The following PHF6 variants were observed in gnomAD, a reference collection of about 807,000 sequenced individuals.
PHF6 encodes the protein PHD finger protein 6, also known as PHD-like zinc finger protein.
Under a neutral mutation model 34.0 loss-of-function variants are expected in PHF6, and 7 were observed. The observed-to-expected ratio is 0.21, with a 90% CI of 0.12 to 0.39. The LOEUF (loss-of-function observed/expected upper bound fraction) is 0.39. Ranked by LOEUF, PHF6 falls within the 10% of genes least tolerant of loss-of-function variation. The pLI is 1.00. For missense variants in PHF6, 128 were observed against 262.8 expected (o/e 0.49, Z 3.55); for synonymous variants, 89 against 88.4 (o/e 1.01, Z -0.04).
intron 5 of PHF6, among the ~76,000 whole-genome samples, chrX:134,400,240 G>A (rs1443442882): frequency 9.1e-6 from 1 of 109,729 alleles, no homozygotes; most frequent in Non-Finnish European, 1.9e-5. Flanking sequence ...CACCACACCC[G>A]GCTAATTTTT....
At chrX:134,403,281 AG>A (rs2077409966) in intron 5 of PHF6, among the ~76,000 whole-genome samples, 1 of 112,142 alleles carries the variant, frequency 8.9e-6, no homozygotes, top group Non-Finnish European at 1.9e-5. Flanking sequence ...ATGATAAGAA[AG>A]TGAAACAGCC....
intron 5 of PHF6, among the ~76,000 whole-genome samples, chrX:134,396,766 A>G (rs1393679892): frequency 1.8e-5 from 2 of 110,809 alleles, no homozygotes; most frequent in African/African-American, 3.3e-5. Flanking sequence ...TCAGAAACAG[A>G]ACTTCCAATT....
chrX:134,390,828 C>T (rs1423602999), intron 3 of PHF6, among the ~76,000 whole-genome samples: 1 of 110,777 alleles, frequency 9.0e-6, no homozygotes, highest in African/African-American at 3.3e-5. Context: ...GTTTTGTATC[C>T]TGCCTCATTT....
At position 134,426,473 on chromosome X, in the gene PHF6, C is replaced by G. The variant is rs1387361324; in HGVS notation, c.*813C>G. 6.2e-6 allele frequency: 1 copy of G among 162,262 alleles called. No homozygotes were observed. The highest frequency in any genetic ancestry group is 1.2e-5 in the Non-Finnish European group (1 of 83,499). The allele number at this position is 162,262 out of a possible 1,213,427, so 13.4% of individuals were successfully genotyped here. A position where few individuals can be genotyped will look rare whatever the true frequency, so the allele number is the denominator to read the frequency against. ...GACACCATGTCCGAAACCTGTTCCTCTCAAGTGCCCTGTTGTGTGGAACAC... is the reference window on the plus strand; with the variant it reads ...GACACCATGTCCGAAACCTGTTCCTGTCAAGTGCCCTGTTGTGTGGAACAC... On this transcript the variant is annotated 3_prime_UTR_variant, in exon 11 of 11. Transcript: ENST00000370803.
chrX:134,385,928 A>G (rs2077329479), intron 3 of PHF6, among the ~76,000 whole-genome samples: 1 of 111,913 alleles, frequency 8.9e-6, no homozygotes, highest in Non-Finnish European at 1.9e-5. Flanking sequence ...ACTTTCTACC[A>G]GCACAATGCT....
chrX:134,417,429 T>C (rs1418843871), intron 9 of PHF6, 127 bp downstream of exon 9: 4 of 670,822 alleles, frequency 6.0e-6, no homozygotes, highest in Non-Finnish European at 9.1e-6. Flanking sequence ...GAGCACATTA[T>C]GTAAGGAATG....
intron 5 of PHF6, among the ~76,000 whole-genome samples, chrX:134,403,653 G>A (rs767542040): frequency 8.9e-6 from 1 of 112,017 alleles, no homozygotes; most frequent in Non-Finnish European, 1.9e-5. Flanking sequence ...ATGCCATTTA[G>A]GACATTCATA....
intron 3 of PHF6, among the ~76,000 whole-genome samples, chrX:134,391,089 C>T (rs1470998495): frequency 9.3e-6 from 1 of 107,923 alleles, no homozygotes; most frequent in Admixed American, 1.0e-4. Flanking sequence ...ATTCTCCTGC[C>T]TCAGCCTCCC....
intron 3 of PHF6, among the ~76,000 whole-genome samples, chrX:134,379,881 A>G (rs2077298982): frequency 8.9e-6 from 1 of 112,225 alleles, no homozygotes; most frequent in Non-Finnish European, 1.9e-5. Context: ...AAAAAGAATG[A>G]TACTTACTTG....
At chrX:134,382,852 G>A (rs1402437166) in intron 3 of PHF6, among the ~76,000 whole-genome samples, 2 of 110,771 alleles carry the variant, frequency 1.8e-5, no homozygotes, top group Non-Finnish European at 3.8e-5. Flanking sequence ...TGGTACCGGT[G>A]TCAGATTATA....
chrX:134,377,989 T>A lies in PHF6; in HGVS notation c.139-16T>A, dbSNP rs778312938. Reference sequence around the variant, plus strand: ...TTTATATATGAACCTTAATTTTTTTTAAATGTAATTTATAGCTCTTTTCAT... The same window carrying A: ...TTTATATATGAACCTTAATTTTTTTAAAATGTAATTTATAGCTCTTTTCAT... On this transcript the variant is annotated splice_polypyrimidine_tract_variant and intron_variant, in intron 2 of 10. Coordinates refer to ENST00000370803, the MANE Select transcript of PHF6 (RefSeq NM_001015877.2). 1.9e-5 allele frequency: 22 copies of A among 1,131,066 alleles called. No individual in the cohort carries two copies. Among genetic ancestry groups the A allele is most frequent in the African/African-American group, 1.8e-4 (10 of 54,796 alleles). 93.2% of individuals were successfully genotyped at this position (1,131,066 alleles called of 1,213,427 possible).
intron 5 of PHF6, among the ~76,000 whole-genome samples, chrX:134,394,357 C>T (rs970948978): frequency 1.8e-5 from 2 of 110,732 alleles, no homozygotes; most frequent in African/African-American, 6.6e-5. Flanking sequence ...TGGTCTTGAA[C>T]TCTTGACCTC....
chrX:134,406,839 C>T (rs142790495), intron 5 of PHF6, among the ~76,000 whole-genome samples: 1,810 of 111,983 alleles, frequency 0.016, 37 homozygotes, highest in African/African-American at 0.055. Context: ...GATACATGAA[C>T]ATTGTACAAA....
chrX:134,384,894 G>A (rs748511995), intron 3 of PHF6, among the ~76,000 whole-genome samples: 23 of 110,699 alleles, frequency 2.1e-4, no homozygotes, highest in Non-Finnish European at 3.4e-4. Context: ...CTCATGATCC[G>A]CCCGCCTTGG....
chrX:134,395,548 C>T (rs2077373859), intron 5 of PHF6, among the ~76,000 whole-genome samples: 1 of 112,121 alleles, frequency 8.9e-6, no homozygotes, highest in Admixed American at 9.5e-5. Context: ...TGCGATTGTT[C>T]TATCCCTTCA....
chrX:134,421,648 ATACT>A (rs1006141860), intron 9 of PHF6, among the ~76,000 whole-genome samples: 11 of 110,585 alleles, frequency 9.9e-5, no homozygotes, highest in Non-Finnish European at 1.9e-5. Context: ...ATGAGAAAAA[ATACT>A]TAATGTCAAC....
At chrX:134,416,528 A>G (rs774679558) in intron 8 of PHF6, among the ~76,000 whole-genome samples, 2 of 111,640 alleles carry the variant, frequency 1.8e-5, no homozygotes, top group East Asian at 2.8e-4. Context: ...CTAGATTTCA[A>G]TAAACTTGAA....
chrX:134,424,311 A>G (rs910553994), intron 9 of PHF6, among the ~76,000 whole-genome samples: 3 of 111,667 alleles, frequency 2.7e-5, no homozygotes, highest in Non-Finnish European at 5.6e-5. Flanking sequence ...GGGAAAACCT[A>G]CCTTTACAAT....
Position 134,425,792 on chromosome X carries a change from T to C in PHF6, c.*132T>C. On this transcript the variant is annotated 3_prime_UTR_variant, in exon 11 of 11. Transcript: ENST00000370803. ...CCAACTCTTAGATCCTTCATTGAAC[T>C]GCCTAAAAATGTCTTGTTTGTTTTA... The C allele has an allele frequency of 5.4e-6, 1 of 184,678 alleles. No individual in the cohort carries two copies. Among genetic ancestry groups the C allele is most frequent in the Non-Finnish European group, 1.0e-5 (1 of 97,390 alleles). 15.2% of individuals were successfully genotyped at this position (184,678 alleles called of 1,213,427 possible).
Sources: gnomAD v4.1 joint callset for allele counts (sites outside exome capture counted in the v4.1 genomes callset) on GRCh38, gnomAD v4.1.1 for gene constraint, MANE v1.5 for transcripts, NCBI Gene and HGNC (gene_info 2026-07-23, HGNC 2026-07-21) for gene names.